The following FBXW10B variants were observed in gnomAD, a reference collection of about 807,000 sequenced individuals.
FBXW10B encodes F-box and WD repeat domain containing protein 10B.
chr17:15,601,408 CAAAAAAAAA>C, the FBXW10B span, among the ~76,000 whole-genome samples: 3 of 66,622 alleles, frequency 4.5e-5, no homozygotes, highest in South Asian at 5.5e-4. Flanking sequence ...GACTCCGTCT[CAAAAAAAAA>C]AAAAAAAAAA....
the FBXW10B span, among the ~76,000 whole-genome samples, chr17:15,582,352 ACT>A: frequency 6.6e-6 from 1 of 151,356 alleles, no homozygotes; most frequent in Non-Finnish European, 1.5e-5. Context: ...AAAAATGAAC[ACT>A]CTTTTCTAAC....
At chr17:15,606,145 C>A in the FBXW10B span, among the ~76,000 whole-genome samples, 1 of 141,602 alleles carries the variant, frequency 7.1e-6, no homozygotes, top group Non-Finnish European at 1.5e-5. Flanking sequence ...CTCCCTGTAA[C>A]CTCCAGCTCT....
At chr17:15,596,649 G>A in the FBXW10B span, 1 of 1,613,550 alleles carries the variant, frequency 6.2e-7, no homozygotes, top group Non-Finnish European at 8.5e-7. Context: ...ACTTCCCTGT[G>A]TCTACATCCC....
the FBXW10B span, chr17:15,619,077 G>A: frequency 1.6e-3 from 2,616 of 1,613,782 alleles, 4 homozygotes; most frequent in Non-Finnish European, 2.0e-3. Context: ...AGTAATTTGG[G>A]GTTGCACATC....
the FBXW10B span, among the ~76,000 whole-genome samples, chr17:15,607,322 G>A: frequency 6.8e-6 from 1 of 147,002 alleles, no homozygotes; most frequent in African/African-American, 2.5e-5. Context: ...AAGATTTTAT[G>A]TGTGACTTGT....
the FBXW10B span, among the ~76,000 whole-genome samples, chr17:15,580,595 T>A: frequency 2.6e-5 from 3 of 114,246 alleles, no homozygotes; most frequent in Non-Finnish European, 6.1e-5. Flanking sequence ...GGAAACAATT[T>A]ATGGCAAGTT....
the FBXW10B span, chr17:15,574,229 G>C: frequency 1.5e-6 from 1 of 677,222 alleles, no homozygotes; most frequent in Non-Finnish European, 2.6e-6. Context: ...CCAACTCCAT[G>C]TGTCTGAGGT....
chr17:15,602,043 C>T, the FBXW10B span, among the ~76,000 whole-genome samples: 2 of 150,050 alleles, frequency 1.3e-5, no homozygotes, highest in African/African-American at 4.9e-5. Context: ...TCACGGAAGG[C>T]GGAGCTGGCA....
At chr17:15,569,568 T>TC in the FBXW10B span, among the ~76,000 whole-genome samples, 3 of 139,656 alleles carry the variant, frequency 2.1e-5, no homozygotes, top group East Asian at 7.5e-4. Flanking sequence ...CTCGTGATCC[T>TC]CCCACCTCAG....
the FBXW10B span, among the ~76,000 whole-genome samples, chr17:15,602,730 C>G: frequency 2.6e-5 from 3 of 116,550 alleles, 1 homozygote; most frequent in Admixed American, 8.2e-5. Context: ...GGGGTTCACG[C>G]CATTCTCCTG....
At chr17:15,595,658 T>C in the FBXW10B span, among the ~76,000 whole-genome samples, 1 of 152,090 alleles carries the variant, frequency 6.6e-6, no homozygotes, top group Non-Finnish European at 1.5e-5. Flanking sequence ...GGTGGGGAAA[T>C]TCCACAGGCC....
the FBXW10B span, among the ~76,000 whole-genome samples, chr17:15,599,221 A>G: frequency 7.0e-6 from 1 of 142,998 alleles, no homozygotes; most frequent in South Asian, 2.4e-4. Context: ...TTTTGTGAAG[A>G]ATTAAATGGA....
the FBXW10B span, chr17:15,605,234 G>A: frequency 1.9e-6 from 3 of 1,594,042 alleles, no homozygotes; most frequent in Non-Finnish European, 2.6e-6. Flanking sequence ...TGATACTTAG[G>A]TCATAGCTCC....
the FBXW10B span, among the ~76,000 whole-genome samples, chr17:15,582,147 G>C: frequency 6.7e-6 from 1 of 148,572 alleles, no homozygotes; most frequent in Non-Finnish European, 1.5e-5. Context: ...CTAGGAATGG[G>C]AAGAGCCGAT....
At chr17:15,613,806 G>A in the FBXW10B span, 2 of 1,611,350 alleles carry the variant, frequency 1.2e-6, no homozygotes, top group African/African-American at 1.4e-5. Context: ...AGGTGTCTGG[G>A]AAATCCCCTC....
chr17:15,616,174 T>G, the FBXW10B span, among the ~76,000 whole-genome samples: 3 of 151,866 alleles, frequency 2.0e-5, no homozygotes, highest in Admixed American at 2.0e-4. Context: ...TTTTTTGGTT[T>G]GTTTGTTTTT....
chr17:15,600,276 C>G, the FBXW10B span, among the ~76,000 whole-genome samples: 1 of 148,398 alleles, frequency 6.7e-6, no homozygotes, highest in Non-Finnish European at 1.5e-5. Context: ...CACATAAAAA[C>G]GATTAATATG....
At chr17:15,589,329 C>A in the FBXW10B span, 4 of 1,427,706 alleles carry the variant, frequency 2.8e-6, no homozygotes, top group East Asian at 2.3e-5. Flanking sequence ...AAAAAGGAAG[C>A]AGTGCTGCCT....
At chr17:15,580,386 A>G in the FBXW10B span, among the ~76,000 whole-genome samples, 1 of 151,930 alleles carries the variant, frequency 6.6e-6, no homozygotes, top group African/African-American at 2.4e-5. Flanking sequence ...TTCTTAATAA[A>G]AGGCCATTAC....
Sources: allele counts gnomAD v4.1 joint callset (sites outside exome capture counted in the v4.1 genomes callset), GRCh38; gene constraint gnomAD v4.1.1; transcripts MANE v1.5; gene names NCBI Gene and HGNC (gene_info 2026-07-23, HGNC 2026-07-21).